Variants in AKAP6 observed in about 807,000 individuals in gnomAD.
AKAP6 encodes A-kinase anchoring protein 6.
In AKAP6, 58 loss-of-function variants were observed where a neutral mutation model predicts 188.5. The ratio of observed to expected loss-of-function variants is 0.31; its 90% CI spans 0.25 to 0.38. AKAP6 has a LOEUF of 0.38. Ranked by LOEUF, AKAP6 falls within the 10% of genes least tolerant of loss-of-function variation. The pLI is 1.00. For missense variants in AKAP6, 2,710 were observed against 2,740.0 expected (o/e 0.99, Z 0.24); for synonymous variants, 989 against 998.6 (o/e 0.99, Z 0.18).
intron 7 of AKAP6, among the ~76,000 whole-genome samples, chr14:32,613,146 C>G (rs929189988): frequency 6.6e-6 from 1 of 152,172 alleles, no homozygotes; most frequent in Non-Finnish European, 1.5e-5. Context: ...TGACCTGGGT[C>G]GCTTTTCTGG....
At chr14:32,631,233 G>A (rs1435923064) in intron 7 of AKAP6, among the ~76,000 whole-genome samples, 1 of 151,756 alleles carries the variant, frequency 6.6e-6, no homozygotes, top group Non-Finnish European at 1.5e-5. Flanking sequence ...TATTCTTTGA[G>A]CGCCCCGTAT....
intron 5 of AKAP6, among the ~76,000 whole-genome samples, chr14:32,595,892 A>G (rs1283823770): frequency 2.0e-5 from 3 of 152,104 alleles, no homozygotes; most frequent in Non-Finnish European, 4.4e-5. Context: ...AAGCTGTTTG[A>G]GGATAAGGAT....
chr14:32,341,180 G>A (rs1886877039), intron 1 of AKAP6, among the ~76,000 whole-genome samples: 1 of 152,072 alleles, frequency 6.6e-6, no homozygotes, highest in African/African-American at 2.4e-5. Context: ...GCAAATTTGT[G>A]TTTCTATTTG....
At chr14:32,523,813 G>C (rs1044004064) in intron 2 of AKAP6, among the ~76,000 whole-genome samples, 1 of 122,482 alleles carries the variant, frequency 8.2e-6, no homozygotes, top group Non-Finnish European at 1.7e-5. Flanking sequence ...AAAAAAAAAA[G>C]ACTGTGGTAC....
chr14:32,611,795 G>T (rs1649510620), intron 7 of AKAP6, among the ~76,000 whole-genome samples: 1 of 152,080 alleles, frequency 6.6e-6, no homozygotes, highest in Non-Finnish European at 1.5e-5. Flanking sequence ...TGAAGAATAG[G>T]ACTAGTGAAA....
At chr14:32,610,174 A>C (rs927822345) in intron 7 of AKAP6, among the ~76,000 whole-genome samples, 1 of 152,222 alleles carries the variant, frequency 6.6e-6, no homozygotes, top group Admixed American at 6.5e-5. Context: ...TTTACTGACA[A>C]AAAAACTTAG....
intron 1 of AKAP6, among the ~76,000 whole-genome samples, chr14:32,408,201 G>A (rs1040418755): frequency 1.3e-5 from 2 of 152,294 alleles, no homozygotes; most frequent in East Asian, 1.9e-4. Context: ...CAAGACTCTG[G>A]CTGGCTGGGA....
rs1232372605 is a variant in AKAP6 at position 32,837,213 on chromosome 14, T to C, written c.*7408T>C. On this transcript the variant is annotated 3_prime_UTR_variant, in exon 14 of 14. Coordinates refer to ENST00000280979, the MANE Select transcript of AKAP6 (RefSeq NM_004274.5). ...TCCATACCATTAAGATGTATGATAA[T>C]GGATTTTATTAATTTAACACAAATG... 2 of 152,220 alleles carry C rather than the reference T, an allele frequency of 1.3e-5. No individual in the cohort carries two copies. The highest frequency in any genetic ancestry group is 1.5e-5 in the Non-Finnish European group (1 of 68,036). The allele number at this position is 152,220 out of a possible 1,614,324, so 9.4% of individuals were successfully genotyped here. A position where few individuals can be genotyped will look rare whatever the true frequency, so the allele number is the denominator to read the frequency against.
chr14:32,511,120 A>AT (rs1225588632), intron 2 of AKAP6, among the ~76,000 whole-genome samples: 8 of 152,232 alleles, frequency 5.3e-5, no homozygotes, highest in African/African-American at 1.9e-4. Flanking sequence ...TGCAGGGTCC[A>AT]TTTTTTTGCT....
chr14:32,434,214 A>T (rs1397680504), intron 2 of AKAP6, among the ~76,000 whole-genome samples: 1 of 152,194 alleles, frequency 6.6e-6, no homozygotes, highest in African/African-American at 2.4e-5. Flanking sequence ...CTTCAGTTGA[A>T]GCTGATGCTG....
At chr14:32,535,830 C>A in intron 3 of AKAP6, 25 bp downstream of exon 3, 1 of 1,592,934 alleles carries the variant, frequency 6.3e-7, no homozygotes. Context: ...TGAAGTTAAG[C>A]AATGCATTTC....
chr14:32,335,470 G>A (rs1195659189), intron 1 of AKAP6, among the ~76,000 whole-genome samples: 2 of 152,146 alleles, frequency 1.3e-5, no homozygotes, highest in Non-Finnish European at 2.9e-5. Flanking sequence ...AGAAATTGTA[G>A]TGCTTAGAAA....
chr14:32,674,718 T>C (rs1449272306), intron 7 of AKAP6, among the ~76,000 whole-genome samples: 9 of 152,150 alleles, frequency 5.9e-5, no homozygotes, highest in Non-Finnish European at 1.2e-4. Flanking sequence ...CAAGTAGCGA[T>C]GTCAGGTGAT....
chr14:32,794,558 T>TCAAACAAACAAA (rs575664862), intron 12 of AKAP6, among the ~76,000 whole-genome samples: 1 of 152,048 alleles, frequency 6.6e-6, no homozygotes, highest in Non-Finnish European at 1.5e-5. Flanking sequence ...AGACTGCATC[T>TCAAACAAACAAA]CAAACAAACA....
At chr14:32,387,639 T>C (rs1162058439) in intron 1 of AKAP6, among the ~76,000 whole-genome samples, 1 of 151,648 alleles carries the variant, frequency 6.6e-6, no homozygotes, top group Non-Finnish European at 1.5e-5. Context: ...ATGTGGTGTA[T>C]CACATTTATT....
chr14:32,469,145 A>C (rs1878627669), intron 2 of AKAP6, among the ~76,000 whole-genome samples: 1 of 152,192 alleles, frequency 6.6e-6, no homozygotes, highest in South Asian at 2.1e-4. Flanking sequence ...TCCTGCCACT[A>C]GACTTTGTGC....
Position 32,732,465 on chromosome 14 carries a change from G to A in AKAP6, c.3012G>A (p.Val1004=). 1 of 1,612,988 alleles carries A rather than the reference G, an allele frequency of 6.2e-7. No individual in the cohort carries two copies. The highest frequency in any genetic ancestry group is 8.5e-7 in the Non-Finnish European group (1 of 1,179,426). ...TCTTTTCATTTTAGCGATACAGTGT[G>A]GAAATGTCCATCAGACACCTGAAAA... ...QQQHLYKRYS[V]EMSIRHLKKT... The change falls in exon 10 of 14, where the codon GTG becomes GTA. Residue 1004 remains valine (V), a synonymous_variant. Coordinates refer to ENST00000280979, the MANE Select transcript of AKAP6 (RefSeq NM_004274.5).
chr14:32,650,703 A>G (rs1469143426), intron 7 of AKAP6, among the ~76,000 whole-genome samples: 1 of 152,140 alleles, frequency 6.6e-6, no homozygotes, highest in Non-Finnish European at 1.5e-5. Context: ...ACCAGTTCAA[A>G]TGTGTTTTAA....
chr14:32,833,410 G>A lies in AKAP6; in HGVS notation c.*3605G>A, dbSNP rs1194847920. On this transcript the variant is annotated 3_prime_UTR_variant, in exon 14 of 14. Transcript: ENST00000280979. The stretch of plus-strand genomic sequence containing the variant: ...TTCTCTACATTTAAGAAAATCTAGT[G>A]AGCAAAACGGTATACAAAAAATCAT... 6.6e-6 allele frequency: 1 copy of A among 152,142 alleles called. No homozygotes were observed. Among genetic ancestry groups the A allele is most frequent in the Admixed American group, 6.5e-5 (1 of 15,274 alleles). The allele number at this position is 152,142 out of a possible 1,614,324, so 9.4% of individuals were successfully genotyped here.
Sources: gnomAD v4.1 joint callset for allele counts (sites outside exome capture counted in the v4.1 genomes callset) on GRCh38, gnomAD v4.1.1 for gene constraint, MANE v1.5 for transcripts, NCBI Gene and HGNC (gene_info 2026-07-23, HGNC 2026-07-21) for gene names.